The following AIDA variants were observed in gnomAD, a reference collection of about 807,000 sequenced individuals.
AIDA encodes axin interactor, dorsalization associated, also known as axin interactor, dorsalization-associated protein.
AIDA carries 18 observed loss-of-function variants against 42.7 expected under a neutral mutation model. The observed-to-expected ratio is 0.42, with a 90% confidence interval of 0.29 to 0.63. The LOEUF (loss-of-function observed/expected upper bound fraction) is 0.63, where lower values mean the gene tolerates loss of function less well. AIDA is among the 20% of genes least tolerant of loss of function. The pLI is 0.19. For missense variants in AIDA, 250 were observed against 354.1 expected, an observed-to-expected ratio of 0.71 and a Z score of 2.36; for synonymous variants, 104 against 122.9, an observed-to-expected ratio of 0.85 and a Z score of 1.02.
chr1:222,677,422 A>G (rs1407815493), intron 6 of AIDA, among the ~76,000 whole-genome samples: 5 of 152,064 alleles, frequency 3.3e-5, no homozygotes, highest in Non-Finnish European at 1.5e-5. Context: ...TTCTTATACT[A>G]GTACACTGGC....
intron 4 of AIDA, 82 bp downstream of exon 4, chr1:222,693,707 A>G: frequency 8.4e-7 from 1 of 1,187,568 alleles, no homozygotes; most frequent in Non-Finnish European, 1.2e-6. Context: ...ATCAAATCAT[A>G]ATCTTTGTTA....
At chr1:222,687,058 A>G (rs778412752) in intron 5 of AIDA, 22 bp from the exon 6 acceptor site, 2 of 1,608,794 alleles carry the variant, frequency 1.2e-6, no homozygotes, top group African/African-American at 1.3e-5. Flanking sequence ...AAGGGCAGAA[A>G]AAACAACAAA....
intron 1 of AIDA, among the ~76,000 whole-genome samples, chr1:222,706,595 G>A (rs984518112): frequency 3.9e-5 from 6 of 152,138 alleles, no homozygotes; most frequent in Non-Finnish European, 7.4e-5. Flanking sequence ...CACCCGGCAT[G>A]TGGTGGCTCA....
intron 6 of AIDA, among the ~76,000 whole-genome samples, chr1:222,679,513 A>C (rs1031078267): frequency 8.5e-5 from 13 of 152,236 alleles, no homozygotes; most frequent in African/African-American, 2.9e-4. Flanking sequence ...AGAACATGTC[A>C]GGGTGTGCCA....
chr1:222,692,329 C>A (rs1655395432), intron 4 of AIDA, among the ~76,000 whole-genome samples: 1 of 152,052 alleles, frequency 6.6e-6, no homozygotes, highest in African/African-American at 2.4e-5. Flanking sequence ...TGGGGATGTA[C>A]CCTACTAGTA....
At chr1:222,711,128 AC>A (rs1431338999) in intron 1 of AIDA, among the ~76,000 whole-genome samples, 1 of 152,072 alleles carries the variant, frequency 6.6e-6, no homozygotes, top group Non-Finnish European at 1.5e-5. Flanking sequence ...TTCTACTCAT[AC>A]GTGGTTTCAT....
chr1:222,694,863 A>T (rs1655471990), intron 2 of AIDA, among the ~76,000 whole-genome samples: 1 of 152,228 alleles, frequency 6.6e-6, no homozygotes, highest in Non-Finnish European at 1.5e-5. Flanking sequence ...ATACAGAATC[A>T]CTATAAAATA....
rs769926857 is a variant in AIDA, at chr1:222,703,153, GTTC to G, written c.172_174del (p.Glu58del). 4 of 1,603,118 alleles carry G rather than the reference GTTC, an allele frequency of 2.5e-6. No individual in the cohort carries two copies. The highest frequency in any genetic ancestry group is 1.3e-5 in the African/African-American group (1 of 74,346). The stretch of plus-strand genomic sequence containing the variant: ...TAGAGATTATTTTATGGTACCTTTT[GTTC>G]TTCTGTGAATTCAGAATTATTGTGT... On this transcript the variant is annotated inframe_deletion, in exon 2 of 10. Coordinates refer to ENST00000340020, the MANE Select transcript of AIDA (RefSeq NM_022831.4).
At chr1:222,712,061 G>T in intron 1 of AIDA, 147 bp downstream of exon 1, 1 of 1,258,458 alleles carries the variant, frequency 7.9e-7, no homozygotes, top group Non-Finnish European at 1.1e-6. Flanking sequence ...GCTGGGGCTG[G>T]TGGCGAGGGA....
At chr1:222,700,213 G>C (rs878957104) in intron 2 of AIDA, among the ~76,000 whole-genome samples, 4 of 152,176 alleles carry the variant, frequency 2.6e-5, no homozygotes, top group Admixed American at 2.6e-4. Context: ...TCCTAGGCAG[G>C]TATCATAAAT....
chr1:222,700,532 C>A (rs962886965), intron 2 of AIDA, among the ~76,000 whole-genome samples: 2 of 151,986 alleles, frequency 1.3e-5, no homozygotes, highest in African/African-American at 4.8e-5. Flanking sequence ...CCCAGATGGG[C>A]GGATCACGAG....
At chr1:222,679,989 G>A (rs1664625359) in intron 6 of AIDA, among the ~76,000 whole-genome samples, 1 of 152,230 alleles carries the variant, frequency 6.6e-6, no homozygotes, top group Non-Finnish European at 1.5e-5. Context: ...ATCCCAGGGT[G>A]TCCCTGAACT....
chr1:222,712,072 T>G, intron 1 of AIDA, 136 bp downstream of exon 1: 1 of 1,358,624 alleles, frequency 7.4e-7, no homozygotes, highest in South Asian at 1.4e-5. Context: ...TGGCGAGGGA[T>G]CTCAGCCCCA....
At chr1:222,694,101 T>C (rs1227194333) in intron 3 of AIDA, 109 bp downstream of exon 3, 2 of 1,056,470 alleles carry the variant, frequency 1.9e-6, no homozygotes, top group African/African-American at 1.6e-5. Flanking sequence ...GATGTTGTTA[T>C]AAAACACTTC....
rs770894575 is a variant in AIDA at position 222,689,469 on chromosome 1, ATGTGTGTG to A, written c.290-1819_290-1812del. ...TGTCTCAAGAAAAAAGAAAATATGTATGTGTGTGTGTGTATATATATATATATATATAT... is the reference window on the plus strand; with the variant it reads ...TGTCTCAAGAAAAAAGAAAATATGTATGTGTATATATATATATATATATAT... On this transcript the variant is annotated intron_variant, in intron 4 of 9. Transcript: ENST00000340020. 6.5e-4 allele frequency among the ~76,000 whole-genome samples: 40 copies of A among 61,314 alleles called. 1 individual carries two copies. In the East Asian group the frequency reaches 0.011, roughly 17 times the overall value. The allele number at this position is 61,314 out of a possible 152,430, so 40.2% of individuals were successfully genotyped here.
chr1:222,703,342 C>A, intron 1 of AIDA, 125 bp from the exon 2 acceptor site: 24 of 550,480 alleles, frequency 4.4e-5, no homozygotes, highest in South Asian at 2.7e-4. Context: ...TACAAATCTA[C>A]ATTGAGAACC....
chr1:222,698,121 A>G (rs1421835304), intron 2 of AIDA, among the ~76,000 whole-genome samples: 1 of 152,218 alleles, frequency 6.6e-6, no homozygotes, highest in Non-Finnish European at 1.5e-5. Context: ...CAACACTATC[A>G]GGAACTGAAA....
At chr1:222,688,922 T>C (rs924880428) in intron 4 of AIDA, among the ~76,000 whole-genome samples, 3 of 151,978 alleles carry the variant, frequency 2.0e-5, no homozygotes, top group South Asian at 4.2e-4. Context: ...GAAGAAGGCA[T>C]TGTTATCATA....
In AIDA at chr1:222,711,935, G is replaced by A. The variant is rs559051747; in HGVS notation, c.110+273C>T. 16 of 421,800 alleles carry A rather than the reference G, an allele frequency of 3.8e-5. 1 individual carries two copies. Among genetic ancestry groups the A allele is most frequent in the South Asian group, 3.0e-4 (12 of 39,736 alleles). The allele number at this position is 421,800 out of a possible 1,614,324, so 26.1% of individuals were successfully genotyped here. On this transcript the variant is annotated intron_variant, in intron 1 of 9. Coordinates refer to ENST00000340020, the MANE Select transcript of AIDA (RefSeq NM_022831.4). ...AGGAACTAAGCAGATAGCCTGCTGG[G>A]GCCTGCGCCCCAGGAAAGAAGGGCT...
Sources: allele counts gnomAD v4.1 joint callset (sites outside exome capture counted in the v4.1 genomes callset), GRCh38; gene constraint gnomAD v4.1.1; transcripts MANE v1.5; gene names NCBI Gene and HGNC (gene_info 2026-07-23, HGNC 2026-07-21).